The following VIT variants were observed in gnomAD, a reference collection of about 807,000 sequenced individuals.
The protein encoded by VIT is vitrin.
Under a neutral mutation model 78.0 loss-of-function variants are expected in VIT, and 99 were observed. The observed-to-expected ratio is 1.27, with a 90% CI of 1.08 to 1.50. The LOEUF (loss-of-function observed/expected upper bound fraction) is 1.50, where lower values mean the gene tolerates loss of function less well. Among genes scored for constraint, VIT ranks in the 40% most tolerant of loss-of-function variants. The pLI is 0.00. For missense variants in VIT, 1,126 were observed against 875.3 expected (o/e 1.29, Z -3.61); for synonymous variants, 374 against 334.3 (o/e 1.12, Z -1.29).
intron 1 of VIT, among the ~76,000 whole-genome samples, chr2:36,708,461 G>C (rs1665590205): frequency 6.6e-6 from 1 of 152,132 alleles, no homozygotes; most frequent in Non-Finnish European, 1.5e-5. Context: ...TTCCAAGCGA[G>C]TGGCTCAAGT....
intron 13 of VIT, among the ~76,000 whole-genome samples, chr2:36,802,778 C>T (rs1396494396): frequency 6.6e-6 from 1 of 152,172 alleles, no homozygotes; most frequent in Non-Finnish European, 1.5e-5. Flanking sequence ...TCTGACTTTG[C>T]CTCTGTATTG....
At chr2:36,763,293 T>C (rs1179314705) in intron 6 of VIT, among the ~76,000 whole-genome samples, 1 of 152,080 alleles carries the variant, frequency 6.6e-6, no homozygotes. Flanking sequence ...CACCACCTGC[T>C]ATGTTTGAGA....
At chr2:36,701,369 G>A (rs1355941296) in intron 1 of VIT, among the ~76,000 whole-genome samples, 1 of 152,098 alleles carries the variant, frequency 6.6e-6, no homozygotes, top group Non-Finnish European at 1.5e-5. Context: ...TATCTTCACT[G>A]GAAGGTTAAC....
chr2:36,760,483 C>T (rs1351622797), intron 6 of VIT, among the ~76,000 whole-genome samples: 1 of 152,110 alleles, frequency 6.6e-6, no homozygotes, highest in East Asian at 1.9e-4. Flanking sequence ...TAGAGCTGTT[C>T]CCCACCTCCA....
chr2:36,801,103 T>G (rs1666290182), intron 12 of VIT, among the ~76,000 whole-genome samples, 198 bp from the exon 13 acceptor site: 1 of 152,168 alleles, frequency 6.6e-6, no homozygotes, highest in Admixed American at 6.5e-5. Context: ...AATGGCACAG[T>G]CAACACACGC....
At chr2:36,713,750 A>G (rs1177743341) in intron 1 of VIT, among the ~76,000 whole-genome samples, 3 of 152,184 alleles carry the variant, frequency 2.0e-5, no homozygotes, top group Non-Finnish European at 4.4e-5. Flanking sequence ...GGTGTAAGAG[A>G]AAGAGAAAGA....
rs1443611805 is a variant in VIT at position 36,808,711 on chromosome 2, C to T, written c.1629C>T (p.Ser543=). Residue 543 remains serine (S), a synonymous_variant, in exon 15 of 16, where the codon TCC becomes TCT. Coordinates refer to ENST00000379242, the MANE Select transcript of VIT (RefSeq NM_053276.4). ...VTNLTKEFEI[S]DTDTRIGAVQ... ...ACCTCACCAAAGAGTTTGAGATTTC[C>T]GACACGGACACGCGCATCGGGGCCG... is the stretch of plus-strand genomic sequence containing the variant. 14 of 1,614,100 alleles carry T rather than the reference C, an allele frequency of 8.7e-6. No homozygotes were observed. Among genetic ancestry groups the T allele is most frequent in the East Asian group, 2.2e-5 (1 of 44,894 alleles).
intron 2 of VIT, among the ~76,000 whole-genome samples, chr2:36,722,340 C>T (rs1666566945): frequency 6.6e-6 from 1 of 152,144 alleles, no homozygotes; most frequent in South Asian, 2.1e-4. Flanking sequence ...CAGCATTAGC[C>T]AAGGGGTTAA....
At chr2:36,806,607 C>T (rs1238319787) in intron 14 of VIT, among the ~76,000 whole-genome samples, 1 of 152,140 alleles carries the variant, frequency 6.6e-6, no homozygotes, top group Non-Finnish European at 1.5e-5. Flanking sequence ...AATGCAGTGG[C>T]GCGATCTCGG....
intron 10 of VIT, among the ~76,000 whole-genome samples, chr2:36,782,714 G>A (rs1393761418): frequency 1.3e-5 from 2 of 152,280 alleles, no homozygotes; most frequent in Non-Finnish European, 2.9e-5. Context: ...CCTTCCCCAA[G>A]GCTGAAATGC....
chr2:36,752,903 C>T (rs1668547663), intron 4 of VIT, among the ~76,000 whole-genome samples: 1 of 152,226 alleles, frequency 6.6e-6, no homozygotes, highest in South Asian at 2.1e-4. Context: ...AAGATACATG[C>T]ATACATATGT....
chr2:36,807,682 C>G (rs1311064800), intron 14 of VIT, among the ~76,000 whole-genome samples: 1 of 152,180 alleles, frequency 6.6e-6, no homozygotes, highest in Non-Finnish European at 1.5e-5. Flanking sequence ...AACATTATAC[C>G]AGCCACTTCC....
chr2:36,764,251 ATGTT>A (rs1349399595), intron 6 of VIT, among the ~76,000 whole-genome samples: 1 of 152,206 alleles, frequency 6.6e-6, no homozygotes, highest in African/African-American at 2.4e-5. Context: ...CAGTTTATGT[ATGTT>A]TCTTTCCAAA....
At chr2:36,766,940 A>C (rs1305477384) in intron 6 of VIT, among the ~76,000 whole-genome samples, 154 bp from the exon 7 acceptor site, 1 of 152,250 alleles carries the variant, frequency 6.6e-6, no homozygotes, top group African/African-American at 2.4e-5. Context: ...TCTTTCAGGC[A>C]AGAATGTGGC....
At chr2:36,806,572 A>C (rs1666743387) in intron 14 of VIT, among the ~76,000 whole-genome samples, 1 of 151,764 alleles carries the variant, frequency 6.6e-6, no homozygotes, top group Non-Finnish European at 1.5e-5. Context: ...TTTCAGACGG[A>C]GTCTCACTCT....
At position 36,801,465 on chromosome 2, in the gene VIT, G is replaced by A. The variant is rs909749231; in HGVS notation, c.1162+61G>A. ...ACCATCGTTCTCTTTCTACGTGATT[G>A]TCTTCTAACCATTCTATATAAAAGG... On this transcript the variant is annotated intron_variant, in intron 13 of 15. Coordinates refer to ENST00000379242, the MANE Select transcript of VIT (RefSeq NM_053276.4). The A allele has an allele frequency of 1.1e-5, 15 of 1,389,112 alleles. No individual in the cohort carries two copies. In the African/African-American group the frequency reaches 1.7e-4, roughly 16 times the overall value. 86.0% of individuals were successfully genotyped at this position (1,389,112 alleles called of 1,614,324 possible). A position where few individuals can be genotyped will look rare whatever the true frequency, so the allele number is the denominator to read the frequency against.
intron 4 of VIT, among the ~76,000 whole-genome samples, chr2:36,748,151 C>G (rs780599536): frequency 6.6e-6 from 1 of 152,224 alleles, no homozygotes; most frequent in African/African-American, 2.4e-5. Context: ...ACCTTTAAGA[C>G]GTTTTTCTTT....
chr2:36,758,007 C>T (rs1315692573), intron 5 of VIT, among the ~76,000 whole-genome samples: 1 of 152,168 alleles, frequency 6.6e-6, no homozygotes, highest in African/African-American at 2.4e-5. Flanking sequence ...CTAGATCCTC[C>T]TCCACCCACC....
intron 2 of VIT, among the ~76,000 whole-genome samples, chr2:36,723,225 T>A (rs541821498): frequency 6.6e-6 from 1 of 152,220 alleles, no homozygotes; most frequent in Non-Finnish European, 1.5e-5. Context: ...ATTGTTGGCG[T>A]GTTTTCAACA....
Sources: allele counts gnomAD v4.1 joint callset (sites outside exome capture counted in the v4.1 genomes callset), GRCh38; gene constraint gnomAD v4.1.1; transcripts MANE v1.5; gene names NCBI Gene and HGNC (gene_info 2026-07-23, HGNC 2026-07-21).